The following SENP6 variants were observed in gnomAD, a reference collection of about 807,000 sequenced individuals.
The protein encoded by SENP6 is SUMO specific peptidase 6, also known as sentrin-specific protease 6.
In SENP6, 41 loss-of-function variants were observed where a neutral mutation model predicts 134.5. That is an observed-to-expected ratio of 0.30 (90% CI 0.24 to 0.40). SENP6 has a LOEUF of 0.40. Among genes scored for constraint, SENP6 ranks in the 10% least tolerant of loss-of-function variants. SENP6 has a pLI of 1.00. For synonymous variants in SENP6, 395 were observed against 429.8 expected, an observed-to-expected ratio of 0.92 and a Z score of 1.00; for missense variants, 1,248 against 1,312.5, an observed-to-expected ratio of 0.95 and a Z score of 0.76.
intron 10 of SENP6, among the ~76,000 whole-genome samples, chr6:75,668,672 T>C (rs562229871): frequency 1.3e-5 from 2 of 152,358 alleles, no homozygotes; most frequent in African/African-American, 4.8e-5. Flanking sequence ...TAATTCTAAA[T>C]GTGTACCACA....
chr6:75,618,116 T>C (rs758449501), intron 1 of SENP6, among the ~76,000 whole-genome samples: 6 of 152,210 alleles, frequency 3.9e-5, no homozygotes, highest in Admixed American at 1.3e-4. Flanking sequence ...TTTCCTCCCT[T>C]TTATGTCTGT....
intron 7 of SENP6, among the ~76,000 whole-genome samples, chr6:75,658,973 CCAAAAAAAA>C (rs1487047567): frequency 3.5e-5 from 1 of 28,538 alleles, no homozygotes; most frequent in African/African-American, 1.4e-4. Flanking sequence ...CCTTGTCTCC[CCAAAAAAAA>C]AAAAAAAAAA....
chr6:75,717,221 T>TG lies in SENP6; in HGVS notation c.*1628dup, dbSNP rs1776062380. 1 of 151,990 alleles carries TG rather than the reference T, an allele frequency of 6.6e-6. No individual in the cohort carries two copies. Among genetic ancestry groups the TG allele is most frequent in the Non-Finnish European group, 1.5e-5 (1 of 67,882 alleles). 9.4% of individuals were successfully genotyped at this position (151,990 alleles called of 1,614,324 possible). A position where few individuals can be genotyped will look rare whatever the true frequency, so the allele number is the denominator to read the frequency against. On this transcript the variant is annotated 3_prime_UTR_variant, in exon 24 of 24. Transcript: ENST00000447266. ...CTATAATAAAACTGGGATAAAAAAT[T>TG]GAAGTTGTTTTTTTTAAAACCTAAT...
At chr6:75,704,035 G>A (rs996746772) in intron 19 of SENP6, among the ~76,000 whole-genome samples, 4 of 152,068 alleles carry the variant, frequency 2.6e-5, no homozygotes, top group Non-Finnish European at 1.5e-5. Context: ...AATAACCCAA[G>A]GCAGAAATTA....
At chr6:75,713,408 TTTTGAAGGTTTTAAA>T in intron 21 of SENP6, 90 bp from the exon 22 acceptor site, 2 of 936,150 alleles carry the variant, frequency 2.1e-6, no homozygotes, top group Non-Finnish European at 3.3e-6. Flanking sequence ...ACAAAGGGGA[TTTTGAAGGTTTTAAA>T]TTTGATTGTT....
intron 3 of SENP6, among the ~76,000 whole-genome samples, chr6:75,627,904 C>A (rs1296217861): frequency 1.3e-5 from 2 of 152,058 alleles, no homozygotes; most frequent in South Asian, 4.2e-4. Flanking sequence ...CGAACTCTGA[C>A]CTCGTGATCT....
intron 23 of SENP6, among the ~76,000 whole-genome samples, chr6:75,715,073 A>G (rs1356920457): frequency 1.3e-5 from 2 of 152,192 alleles, no homozygotes; most frequent in African/African-American, 4.8e-5. Flanking sequence ...GCTGTGGTCC[A>G]GTGAAAGCAT....
chr6:75,634,327 ACCTCCG>A (rs1403733854), intron 4 of SENP6, among the ~76,000 whole-genome samples: 1 of 151,690 alleles, frequency 6.6e-6, no homozygotes, highest in Non-Finnish European at 1.5e-5. Flanking sequence ...AATTTTCTCA[ACCTCCG>A]CCTCCCGGGT....
chr6:75,683,443 T>A (rs1340814742), intron 16 of SENP6, among the ~76,000 whole-genome samples: 1 of 152,220 alleles, frequency 6.6e-6, no homozygotes, highest in Non-Finnish European at 1.5e-5. Flanking sequence ...GCCATTGCTT[T>A]TGGTGTTTTA....
chr6:75,678,997 C>T lies in SENP6; in HGVS notation c.2075+70C>T, dbSNP rs183163244. ...CGTCATATCTTATGTCTTTGTTTTC[C>T]AGAGTCAGGCTTTTTGAGTTTTAAA... On this transcript the variant is annotated intron_variant, in intron 16 of 23. Coordinates refer to ENST00000447266, the MANE Select transcript of SENP6 (RefSeq NM_015571.4). 4 of 769,192 alleles carry T rather than the reference C, an allele frequency of 5.2e-6. No homozygotes were observed. In the East Asian group the frequency reaches 1.1e-4, roughly 21 times the overall value. The allele number at this position is 769,192 out of a possible 1,614,324, so 47.6% of individuals were successfully genotyped here. A position where few individuals can be genotyped will look rare whatever the true frequency, so the allele number is the denominator to read the frequency against.
chr6:75,640,767 T>C, intron 6 of SENP6, 63 bp downstream of exon 6: 1 of 1,058,202 alleles, frequency 9.4e-7, no homozygotes, highest in African/African-American at 1.6e-5. Context: ...ATTATTTATA[T>C]GTTTTGAAAA....
intron 2 of SENP6, among the ~76,000 whole-genome samples, chr6:75,623,517 C>G (rs1300826585): frequency 6.6e-6 from 1 of 152,080 alleles, no homozygotes; most frequent in African/African-American, 2.4e-5. Context: ...GTTTCTCTAT[C>G]TTTCTACCCT....
At chr6:75,639,027 G>C (rs1468440426) in intron 5 of SENP6, among the ~76,000 whole-genome samples, 1 of 152,056 alleles carries the variant, frequency 6.6e-6, no homozygotes, top group African/African-American at 2.4e-5. Flanking sequence ...CTCCAGCCTG[G>C]GTGACAGAGC....
chr6:75,643,868 C>T (rs1770219505), intron 6 of SENP6, among the ~76,000 whole-genome samples: 1 of 151,912 alleles, frequency 6.6e-6, no homozygotes, highest in Non-Finnish European at 1.5e-5. Context: ...TGTATTTGGC[C>T]ATCTTTTATA....
intron 10 of SENP6, among the ~76,000 whole-genome samples, chr6:75,667,186 T>C (rs1012157515): frequency 5.3e-5 from 8 of 152,174 alleles, no homozygotes; most frequent in African/African-American, 1.9e-4. Flanking sequence ...TAAAATAAAA[T>C]GTCAGTATGT....
chr6:75,647,568 T>A, intron 6 of SENP6, 163 bp from the exon 7 acceptor site: 1 of 382,236 alleles, frequency 2.6e-6, no homozygotes, highest in East Asian at 4.2e-5. Flanking sequence ...ACAAATTGAG[T>A]TTCATTTATT....
At chr6:75,708,518 G>C (rs1358437606) in intron 19 of SENP6, among the ~76,000 whole-genome samples, 1 of 152,174 alleles carries the variant, frequency 6.6e-6, no homozygotes, top group African/African-American at 2.4e-5. Context: ...TTGAGCGTAG[G>C]AGTTCAAGGT....
In SENP6 at chr6:75,702,867, T is replaced by G; in HGVS notation, c.2511T>G (p.Ile837Met). Residue 837 changes from isoleucine (I) to methionine (M), a missense_variant, in exon 19 of 24, where the codon ATT becomes ATG. Physicochemically the swap from Ile to Met is conservative, Grantham distance 10. Coordinates refer to ENST00000447266, the MANE Select transcript of SENP6 (RefSeq NM_015571.4). ...ACAAAAAACATTGCATAGCTGTAATTGATTCCAATCCTGGGCAGGAAGAAA... is the reference window on the plus strand; with the variant it reads ...ACAAAAAACATTGCATAGCTGTAATGGATTCCAATCCTGGGCAGGAAGAAA... The part of the protein sequence containing the change: ...MLNKKHCIAV[I>M]DSNPGQEESD... The G allele has an allele frequency of 6.2e-7, 1 of 1,614,134 alleles. No individual in the cohort carries two copies. Among genetic ancestry groups the G allele is most frequent in the Non-Finnish European group, 8.5e-7 (1 of 1,180,010 alleles).
chr6:75,694,559 C>G (rs1161590191), intron 16 of SENP6, among the ~76,000 whole-genome samples: 1 of 152,150 alleles, frequency 6.6e-6, no homozygotes, highest in African/African-American at 2.4e-5. Context: ...CTTCCAATCC[C>G]TCCTCCAGGC....
Sources: gnomAD v4.1 joint callset for allele counts (sites outside exome capture counted in the v4.1 genomes callset) on GRCh38, gnomAD v4.1.1 for gene constraint, MANE v1.5 for transcripts, NCBI Gene and HGNC (gene_info 2026-07-23, HGNC 2026-07-21) for gene names.